The following ASCC3 variants were observed in gnomAD, a reference collection of about 807,000 sequenced individuals.
The protein encoded by ASCC3 is ASC-1 complex subunit P200.
A neutral mutation model predicts 256.3 loss-of-function variants in ASCC3; 158 were observed. The ratio of observed to expected loss-of-function variants is 0.62; its 90% CI spans 0.54 to 0.70. The LOEUF (loss-of-function observed/expected upper bound fraction) is 0.70, where lower values mean the gene tolerates loss of function less well. ASCC3 is among the 30% of genes least tolerant of loss of function. ASCC3 has a pLI of 0.00. For missense variants in ASCC3, 2,259 were observed against 2,626.0 expected (o/e 0.86, Z 3.05); for synonymous variants, 948 against 883.4 (o/e 1.07, Z -1.30).
intron 37 of ASCC3, among the ~76,000 whole-genome samples, chr6:100,532,440 C>T (rs1396646810): frequency 2.3e-5 from 3 of 128,888 alleles, no homozygotes. Flanking sequence ...ATTACAAAAG[C>T]CATGAGCTGC....
intron 14 of ASCC3, among the ~76,000 whole-genome samples, chr6:100,673,044 T>A (rs1282334514): frequency 2.0e-5 from 3 of 151,606 alleles, no homozygotes; most frequent in Non-Finnish European, 4.4e-5. Flanking sequence ...ATTCTGATTG[T>A]GTTAATTATG....
chr6:100,769,368 ATGT>A (rs1781811653), intron 8 of ASCC3, among the ~76,000 whole-genome samples: 1 of 152,018 alleles, frequency 6.6e-6, no homozygotes, highest in Admixed American at 6.6e-5. Context: ...AAGATTTTGA[ATGT>A]TATTATCACA....
At chr6:100,700,789 C>T (rs1294206979) in intron 13 of ASCC3, among the ~76,000 whole-genome samples, 5 of 152,172 alleles carry the variant, frequency 3.3e-5, no homozygotes, top group Non-Finnish European at 5.9e-5. Context: ...ATTTGGAATG[C>T]TGTATTTATC....
At chr6:100,808,428 TA>T (rs1770296453) in intron 4 of ASCC3, among the ~76,000 whole-genome samples, 1 of 151,906 alleles carries the variant, frequency 6.6e-6, no homozygotes, top group Non-Finnish European at 1.5e-5. Flanking sequence ...AAAAGAATAT[TA>T]AAAATTATTT....
intron 13 of ASCC3, among the ~76,000 whole-genome samples, chr6:100,712,755 T>A: frequency 9.4e-6 from 1 of 106,486 alleles, no homozygotes; most frequent in East Asian, 3.5e-4. Context: ...TATACTCTTT[T>A]TTTTTTTTTT....
chr6:100,604,374 CTT>C (rs1041679163), intron 33 of ASCC3, among the ~76,000 whole-genome samples: 5 of 151,728 alleles, frequency 3.3e-5, no homozygotes, highest in African/African-American at 1.2e-4. Flanking sequence ...AATTCTTACT[CTT>C]TTTCTTTCTT....
chr6:100,529,142 A>ATG lies in ASCC3; in HGVS notation c.5776-11002_5776-11001dup, dbSNP rs146662357. 3.7e-3 allele frequency among the ~76,000 whole-genome samples: 557 copies of ATG among 150,594 alleles called. 7 individuals carry two copies. The highest frequency in any genetic ancestry group is 0.011 in the East Asian group (57 of 5,128). On this transcript the variant is annotated intron_variant, in intron 37 of 41. Coordinates refer to ENST00000369162, the MANE Select transcript of ASCC3 (RefSeq NM_006828.4). The stretch of plus-strand genomic sequence containing the variant: ...CCTTAAAATGAGAGAGGAACATAAA[A>ATG]TGTGTGTGTGTGTGTGTGTATGTGT...
intron 11 of ASCC3, among the ~76,000 whole-genome samples, chr6:100,719,302 C>T (rs1000502900): frequency 6.6e-6 from 1 of 151,960 alleles, no homozygotes; most frequent in African/African-American, 2.4e-5. Context: ...AAGCAAGGAA[C>T]CCTAAATAAG....
intron 26 of ASCC3, among the ~76,000 whole-genome samples, chr6:100,629,409 T>C (rs1261948235): frequency 6.6e-6 from 1 of 152,176 alleles, no homozygotes; most frequent in African/African-American, 2.4e-5. Flanking sequence ...ATCACTGACA[T>C]ATCTAACTTT....
intron 17 of ASCC3, among the ~76,000 whole-genome samples, chr6:100,655,128 C>G (rs188620491): frequency 2.0e-5 from 3 of 151,998 alleles, no homozygotes; most frequent in Admixed American, 2.0e-4. Flanking sequence ...CAAGATTTCA[C>G]AGAATCTATA....
intron 16 of ASCC3, among the ~76,000 whole-genome samples, chr6:100,659,904 A>C (rs760207400): frequency 6.6e-6 from 1 of 151,628 alleles, no homozygotes; most frequent in Non-Finnish European, 1.5e-5. Context: ...CATACTACAT[A>C]CATTTTTTAT....
At chr6:100,603,322 T>C (rs1406749460) in intron 33 of ASCC3, among the ~76,000 whole-genome samples, 2 of 152,118 alleles carry the variant, frequency 1.3e-5, no homozygotes, top group East Asian at 3.9e-4. Context: ...AATTAATTAT[T>C]ACAATGTGAA....
In ASCC3 at chr6:100,848,313, G is replaced by A; in HGVS notation, c.636C>T (p.Leu212=). 6.2e-7 allele frequency: 1 copy of A among 1,614,038 alleles called. No homozygotes were observed. The change falls in exon 4 of 42, where the codon CTC becomes CTT. Residue 212 remains leucine (L), a synonymous_variant. Transcript: ENST00000369162. ...EHLQEACTPE[L]KPVEKTNGSF... is the part of the protein sequence containing the mutation. ...AGCCATTTGTTTTTTCCACAGGCTTGAGTTCTGGGGTGCAAGCCTCCTGGA... is the reference window on the plus strand; with the variant it reads ...AGCCATTTGTTTTTTCCACAGGCTTAAGTTCTGGGGTGCAAGCCTCCTGGA...
chr6:100,723,506 T>C (rs1779442694), intron 11 of ASCC3, among the ~76,000 whole-genome samples: 1 of 151,690 alleles, frequency 6.6e-6, no homozygotes, highest in Non-Finnish European at 1.5e-5. Context: ...TTATGGTGAA[T>C]TTACAAAATG....
intron 3 of ASCC3, among the ~76,000 whole-genome samples, chr6:100,853,235 AAC>A (rs1772773930): frequency 6.6e-6 from 1 of 152,156 alleles, no homozygotes; most frequent in Admixed American, 6.6e-5. Context: ...AATCATCCTC[AAC>A]ACACAATCTA....
At chr6:100,679,124 C>A (rs1403460707) in intron 14 of ASCC3, among the ~76,000 whole-genome samples, 1 of 151,536 alleles carries the variant, frequency 6.6e-6, no homozygotes, top group African/African-American at 2.4e-5. Context: ...TGCAGGTGAC[C>A]CCAAGACCTT....
intron 8 of ASCC3, among the ~76,000 whole-genome samples, chr6:100,789,722 G>A (rs548041303): frequency 2.0e-4 from 31 of 152,020 alleles, no homozygotes; most frequent in Admixed American, 1.1e-3. Context: ...TGTATAATAC[G>A]TAAAGACTTG....
chr6:100,669,287 T>C (rs953762160), intron 14 of ASCC3, among the ~76,000 whole-genome samples: 1 of 149,438 alleles, frequency 6.7e-6, no homozygotes, highest in African/African-American at 2.4e-5. Context: ...ACTATAAAAA[T>C]ATATTTTATA....
In ASCC3 at chr6:100,629,094, A is replaced by G; in HGVS notation, c.4296T>C (p.Asp1432=). The part of the protein sequence containing the change: ...DLIVTTPEKW[D]GVSRSWQNRN... ...TATTTTGCCAGCTTCTGCTGACTCC[A>G]TCCCACTTCTCTGGCGTAGTGACGA... Residue 1432 remains aspartate, a synonymous_variant, in exon 27 of 42, where the codon GAT becomes GAC. Transcript: ENST00000369162. 2 of 1,613,798 alleles carry G rather than the reference A, an allele frequency of 1.2e-6. No homozygotes were observed. Among genetic ancestry groups the G allele is most frequent in the Non-Finnish European group, 1.7e-6 (2 of 1,179,904 alleles).
Sources: allele counts gnomAD v4.1 joint callset (sites outside exome capture counted in the v4.1 genomes callset), GRCh38; gene constraint gnomAD v4.1.1; transcripts MANE v1.5; gene names NCBI Gene and HGNC (gene_info 2026-07-23, HGNC 2026-07-21).